Variants in CDH18 observed in about 807,000 individuals in gnomAD.
The protein encoded by CDH18 is cadherin 18.
CDH18 carries 31 observed loss-of-function variants against 67.9 expected under a neutral mutation model. That is an observed-to-expected ratio of 0.46 (90% CI 0.34 to 0.62). CDH18 has a LOEUF of 0.62. Among genes scored for constraint, CDH18 ranks in the 20% least tolerant of loss-of-function variants. The pLI, the probability that CDH18 is intolerant of heterozygous loss-of-function variation, is 0.01. For missense variants in CDH18, 890 were observed against 975.5 expected (o/e 0.91, Z 1.17); for synonymous variants, 362 against 347.2 (o/e 1.04, Z -0.48).
At chr5:20,190,432 G>A (rs1029733778) in intron 2 of CDH18, among the ~76,000 whole-genome samples, 15 of 152,060 alleles carry the variant, frequency 9.9e-5, no homozygotes, top group African/African-American at 3.4e-4. Flanking sequence ...TCTAATCCCC[G>A]ATTGATACTC....
At chr5:20,454,370 T>C (rs949748794) in intron 1 of CDH18, among the ~76,000 whole-genome samples, 1 of 152,122 alleles carries the variant, frequency 6.6e-6, no homozygotes, top group African/African-American at 2.4e-5. Context: ...AAGAAATTTA[T>C]GTAATAAAGA....
chr5:20,473,682 C>G (rs999794525), intron 1 of CDH18, among the ~76,000 whole-genome samples: 1 of 152,030 alleles, frequency 6.6e-6, no homozygotes, highest in African/African-American at 2.4e-5. Flanking sequence ...CAAAGTGTCT[C>G]CTGAAATGTA....
chr5:20,177,039 T>G (rs1031418826), intron 2 of CDH18, among the ~76,000 whole-genome samples: 2 of 152,162 alleles, frequency 1.3e-5, no homozygotes, highest in Admixed American at 6.6e-5. Context: ...TTTCACTTTT[T>G]GAATTTTGGG....
intron 5 of CDH18, among the ~76,000 whole-genome samples, chr5:19,701,261 C>G (rs542424404): frequency 6.6e-6 from 1 of 152,100 alleles, no homozygotes; most frequent in Non-Finnish European, 1.5e-5. Context: ...CTGTATATAT[C>G]TCCTGAAAAA....
chr5:20,044,006 T>C (rs1290387935), intron 2 of CDH18, among the ~76,000 whole-genome samples: 2 of 152,100 alleles, frequency 1.3e-5, no homozygotes, highest in Non-Finnish European at 2.9e-5. Flanking sequence ...TTTGGATAAA[T>C]GTAAGTTAGA....
chr5:20,558,519 A>G (rs1581198753), intron 1 of CDH18, among the ~76,000 whole-genome samples: 1 of 152,254 alleles, frequency 6.6e-6, no homozygotes, highest in East Asian at 1.9e-4. Flanking sequence ...GAACCCAGGT[A>G]CTGCATGCAG....
At chr5:20,504,286 T>G (rs1402499574) in intron 1 of CDH18, among the ~76,000 whole-genome samples, 1 of 152,216 alleles carries the variant, frequency 6.6e-6, no homozygotes, top group Non-Finnish European at 1.5e-5. Flanking sequence ...TATCTCTTGA[T>G]TTCCTGTTTG....
At chr5:19,951,419 A>ACAAATATGTAGATGAGTC (rs1420586645) in intron 2 of CDH18, among the ~76,000 whole-genome samples, 2 of 152,130 alleles carry the variant, frequency 1.3e-5, no homozygotes, top group Non-Finnish European at 2.9e-5. Context: ...TTTTTCTCTA[A>ACAAATATGTAGATGAGTC]CAAATATGTA....
At chr5:19,932,336 G>A (rs901542432) in intron 2 of CDH18, among the ~76,000 whole-genome samples, 5 of 151,762 alleles carry the variant, frequency 3.3e-5, no homozygotes, top group East Asian at 1.9e-4. Context: ...TAAAGTACGC[G>A]TGTTATTTAG....
At chr5:20,265,322 A>T (rs1266477900) in intron 1 of CDH18, among the ~76,000 whole-genome samples, 1 of 152,248 alleles carries the variant, frequency 6.6e-6, no homozygotes, top group Non-Finnish European at 1.5e-5. Context: ...TCCAAAAAAA[A>T]TTTAATAAAC....
rs185935547 is a variant in CDH18, at chr5:20,266,611, T to C, written c.-579-11106A>G. Among the ~76,000 whole-genome samples the C allele has an allele frequency of 3.9e-5, 5 of 129,466 alleles. No homozygotes were observed. The East Asian group carries it at 1.2e-3, about 31-fold the overall frequency. 84.9% of individuals were successfully genotyped at this position (129,466 alleles called of 152,430 possible). A position where few individuals can be genotyped will look rare whatever the true frequency, so the allele number is the denominator to read the frequency against. ...TTTTTTTTTTTTTTTGTATTTTTAG[T>C]AGAGACGGGGTTTCACCATGTTGAC... On this transcript the variant is annotated intron_variant, in intron 1 of 14. Coordinates refer to the CDH18 transcript ENST00000507958.
At chr5:20,462,520 T>G (rs547237856) in intron 1 of CDH18, among the ~76,000 whole-genome samples, 1 of 152,298 alleles carries the variant, frequency 6.6e-6, no homozygotes, top group South Asian at 2.1e-4. Flanking sequence ...CATATAGAAA[T>G]GATAAATATC....
At chr5:20,142,704 C>T (rs1048326387) in intron 2 of CDH18, among the ~76,000 whole-genome samples, 75 of 151,976 alleles carry the variant, frequency 4.9e-4, no homozygotes, top group African/African-American at 1.7e-3. Context: ...AAGGCAGTGA[C>T]GGGGTGACAG....
intron 5 of CDH18, among the ~76,000 whole-genome samples, chr5:19,656,389 T>C (rs1040265481): frequency 4.6e-5 from 7 of 152,094 alleles, no homozygotes; most frequent in Admixed American, 1.3e-4. Flanking sequence ...TTGTAGTAGA[T>C]AGAGATGGCA....
At chr5:20,421,695 T>G (rs1002388997) in intron 1 of CDH18, among the ~76,000 whole-genome samples, 13 of 150,990 alleles carry the variant, frequency 8.6e-5, no homozygotes, top group African/African-American at 3.0e-4. Flanking sequence ...GTATCTTTAT[T>G]AAAAAAGTAA....
rs189330517 is a variant in CDH18 at position 19,584,491 on chromosome 5, A to G, written c.999+6566T>C. Among the ~76,000 whole-genome samples, 1,155 of 152,236 alleles carry G rather than the reference A, an allele frequency of 7.6e-3. 13 individuals are homozygous for G. Among genetic ancestry groups the G allele is most frequent in the African/African-American group, 0.026 (1,091 of 41,524 alleles). On this transcript the variant is annotated intron_variant, in intron 7 of 12. Transcript: ENST00000382275. The stretch of plus-strand genomic sequence containing the variant: ...CAATGAGTATCTCTTGAAGGTTAAA[A>G]TCCACTCAGGTATACAGGTTTTTGA...
intron 2 of CDH18, among the ~76,000 whole-genome samples, chr5:19,868,712 G>A (rs375184539): frequency 5.3e-5 from 8 of 152,064 alleles, no homozygotes; most frequent in Non-Finnish European, 7.4e-5. Flanking sequence ...AAAATGAAAC[G>A]TATGTTCATG....
intron 2 of CDH18, among the ~76,000 whole-genome samples, chr5:20,095,202 T>G (rs995507886): frequency 6.6e-6 from 1 of 151,158 alleles, no homozygotes; most frequent in African/African-American, 2.4e-5. Context: ...ATACCTAATG[T>G]AGATGACGGG....
intron 3 of CDH18, among the ~76,000 whole-genome samples, chr5:19,793,256 T>C (rs1776545989): frequency 6.6e-6 from 1 of 152,160 alleles, no homozygotes; most frequent in Non-Finnish European, 1.5e-5. Flanking sequence ...ATTTCACTTA[T>C]TACCCACCTT....
Sources: gnomAD v4.1 joint callset for allele counts (sites outside exome capture counted in the v4.1 genomes callset) on GRCh38, gnomAD v4.1.1 for gene constraint, MANE v1.5 for transcripts, NCBI Gene and HGNC (gene_info 2026-07-23, HGNC 2026-07-21) for gene names.